The following THRB variants were observed in gnomAD, a reference collection of about 807,000 sequenced individuals.
THRB encodes thyroid hormone receptor beta.
A neutral mutation model predicts 47.8 loss-of-function variants in THRB; 12 were observed. The ratio of observed to expected loss-of-function variants is 0.25; its 90% CI spans 0.16 to 0.41. The LOEUF (loss-of-function observed/expected upper bound fraction) is 0.41. THRB is among the 10% of genes least tolerant of loss of function. The probability of loss-of-function intolerance (pLI) is 1.00; values close to 1 mark genes in which losing one functional copy is unlikely to be tolerated. For missense variants in THRB, 348 were observed against 589.2 expected (o/e 0.59, Z 4.24); for synonymous variants, 218 against 212.2 (o/e 1.03, Z -0.24).
chr3:24,328,255 G>A (rs191997934), intron 2 of THRB, among the ~76,000 whole-genome samples: 6 of 152,070 alleles, frequency 3.9e-5, no homozygotes, highest in African/African-American at 9.6e-5. Flanking sequence ...CACTTCTTAC[G>A]GAAATAATCA....
chr3:24,141,288 G>C (rs2035408726), intron 8 of THRB, among the ~76,000 whole-genome samples: 1 of 152,184 alleles, frequency 6.6e-6, no homozygotes, highest in South Asian at 2.1e-4. Flanking sequence ...CTCAAGACTG[G>C]TTCTAATGAC....
At chr3:24,287,188 A>T (rs1320724955) in intron 3 of THRB, among the ~76,000 whole-genome samples, 4 of 152,100 alleles carry the variant, frequency 2.6e-5, no homozygotes, top group Non-Finnish European at 5.9e-5. Context: ...TTTGCCACTG[A>T]ATAACTCTGT....
upstream of THRB, chr3:24,495,507 A>T (rs1273283758): frequency 6.6e-6 from 1 of 152,100 alleles, no homozygotes; most frequent in African/African-American, 2.4e-5. Flanking sequence ...CCCTCCTCCT[A>T]ATCCCGGCCG....
chr3:24,367,418 C>T lies in THRB; in HGVS notation c.-260-30047G>A, dbSNP rs139009666. 8.0e-4 allele frequency among the ~76,000 whole-genome samples: 122 copies of T among 152,234 alleles called. 5 individuals are homozygous for T. In the East Asian group the frequency reaches 0.021, roughly 26 times the overall value. Reference sequence around the variant, plus strand: ...TTATCAACCACACTGGGATTAGCAGCGACATGAAATAACAATTCCTTAGGC... The same window carrying T: ...TTATCAACCACACTGGGATTAGCAGTGACATGAAATAACAATTCCTTAGGC... On this transcript the variant is annotated intron_variant, in intron 1 of 10. Coordinates refer to ENST00000646209, the MANE Select transcript of THRB (RefSeq NM_001354712.2).
intron 5 of THRB, among the ~76,000 whole-genome samples, chr3:24,183,702 T>G (rs2149499411): frequency 6.7e-6 from 1 of 150,228 alleles, no homozygotes; most frequent in African/African-American, 2.4e-5. Context: ...TTTTTTAAAT[T>G]AAATCCTTCA....
chr3:24,351,876 C>A (rs558879283), intron 1 of THRB, among the ~76,000 whole-genome samples: 1 of 152,108 alleles, frequency 6.6e-6, no homozygotes, highest in Non-Finnish European at 1.5e-5. Context: ...TACAGGGAAC[C>A]CTATATACTC....
At chr3:24,458,497 A>G (rs1476932159) in intron 1 of THRB, 1 of 152,240 alleles carries the variant, frequency 6.6e-6, no homozygotes, top group Non-Finnish European at 1.5e-5. Flanking sequence ...CCTCTCAACC[A>G]GTTAAACATT....
At chr3:24,386,207 A>G (rs2149905992) in intron 1 of THRB, among the ~76,000 whole-genome samples, 1 of 152,182 alleles carries the variant, frequency 6.6e-6, no homozygotes, top group South Asian at 2.1e-4. Flanking sequence ...CTTTACCTTC[A>G]TCTTGCATTC....
In THRB at chr3:24,461,729, T is replaced by C. The variant is rs553689372; in HGVS notation, c.-261+32923A>G. On this transcript the variant is annotated intron_variant, in intron 1 of 10. Transcript: ENST00000646209. ...TCTAAGAATTTCCTAAATTATAAAA[T>C]GACTATGATGTCTATACTAAGGGGG... is the stretch of plus-strand genomic sequence containing the variant. 9.8e-5 allele frequency among the ~76,000 whole-genome samples: 15 copies of C among 152,320 alleles called. No homozygotes were observed. In the South Asian group the frequency reaches 3.1e-3, roughly 32 times the overall value.
intron 8 of THRB, among the ~76,000 whole-genome samples, chr3:24,136,187 G>T (rs1302521140): frequency 1.3e-5 from 2 of 152,134 alleles, no homozygotes; most frequent in African/African-American, 4.8e-5. Flanking sequence ...ACCCCCAAAT[G>T]TAACAAGCTC....
intron 5 of THRB, among the ~76,000 whole-genome samples, chr3:24,164,741 G>A (rs988699370): frequency 5.3e-5 from 8 of 152,012 alleles, no homozygotes; most frequent in African/African-American, 1.9e-4. Flanking sequence ...ATTTTCTTTC[G>A]CAAAGAAGCC....
At chr3:24,448,677 A>C (rs967808118) in intron 1 of THRB, among the ~76,000 whole-genome samples, 10 of 152,340 alleles carry the variant, frequency 6.6e-5, no homozygotes, top group African/African-American at 2.4e-4. Context: ...AACATATAAA[A>C]ATATAAAACT....
chr3:24,138,342 T>C (rs1039272062), intron 8 of THRB, among the ~76,000 whole-genome samples: 2 of 151,874 alleles, frequency 1.3e-5, no homozygotes, highest in African/African-American at 4.8e-5. Flanking sequence ...GGCCATGGGA[T>C]ATGACTACAG....
intron 2 of THRB, among the ~76,000 whole-genome samples, chr3:24,327,001 G>T (rs2149343908): frequency 6.6e-6 from 1 of 152,100 alleles, no homozygotes; most frequent in East Asian, 1.9e-4. Flanking sequence ...CTGACCTCAT[G>T]ATCCGCCCGC....
chr3:24,230,041 T>C (rs562082097), intron 3 of THRB, among the ~76,000 whole-genome samples: 53 of 152,326 alleles, frequency 3.5e-4, no homozygotes, highest in Non-Finnish European at 7.2e-4. Flanking sequence ...AAGTGCTGGG[T>C]AATCTATAAC....
chr3:24,311,729 C>T (rs1194339496), intron 2 of THRB, among the ~76,000 whole-genome samples: 2 of 152,134 alleles, frequency 1.3e-5, no homozygotes, highest in African/African-American at 2.4e-5. Flanking sequence ...CATCCTTGCT[C>T]TTTCAATGTT....
chr3:24,476,998 G>A (rs568999421), intron 1 of THRB, among the ~76,000 whole-genome samples: 21 of 143,200 alleles, frequency 1.5e-4, no homozygotes, highest in African/African-American at 5.9e-4. Flanking sequence ...TATGGTAGTG[G>A]TTTTCAAGAT....
chr3:24,265,836 TAGAGG>T (rs1447005421), intron 3 of THRB, among the ~76,000 whole-genome samples: 1 of 152,164 alleles, frequency 6.6e-6, no homozygotes, highest in Non-Finnish European at 1.5e-5. Flanking sequence ...AGGGTACTGT[TAGAGG>T]AAAGACAAGC....
At chr3:24,413,333 A>C (rs1310573067) in intron 1 of THRB, among the ~76,000 whole-genome samples, 1 of 151,834 alleles carries the variant, frequency 6.6e-6, no homozygotes, top group Non-Finnish European at 1.5e-5. Flanking sequence ...AGTGGGCTGA[A>C]GGGTGGTCTC....
Sources: gnomAD v4.1 joint callset for allele counts (sites outside exome capture counted in the v4.1 genomes callset) on GRCh38, gnomAD v4.1.1 for gene constraint, MANE v1.5 for transcripts, NCBI Gene and HGNC (gene_info 2026-07-23, HGNC 2026-07-21) for gene names.